Variants in FMN1 observed in about 807,000 individuals in gnomAD.
The protein encoded by FMN1 is formin 1, also known as formin-1.
A neutral mutation model predicts 132.4 loss-of-function variants in FMN1; 110 were observed. That is an observed-to-expected ratio of 0.83 (90% CI 0.71 to 0.97). The LOEUF is 0.97. Ranked by LOEUF, FMN1 falls within the 50% of genes least tolerant of loss-of-function variation. The probability of loss-of-function intolerance (pLI) is 0.00; values close to 1 mark genes in which losing one functional copy is unlikely to be tolerated. For synonymous variants in FMN1, 722 were observed against 651.7 expected, an observed-to-expected ratio of 1.11 and a Z score of -1.64; for missense variants, 1,792 against 1,705.3, an observed-to-expected ratio of 1.05 and a Z score of -0.90.
rs565205488 is a variant in FMN1, at chr15:32,863,686, T to C, written c.3836-6579A>G. ...CAAACCTACGAGTTATTTCCTTCCA[T>C]GTTCATCTTTTCTACTTTAATCCCT... On this transcript the variant is annotated intron_variant, in intron 16 of 20. Coordinates refer to ENST00000616417, the MANE Select transcript of FMN1 (RefSeq NM_001277313.2). Among the ~76,000 whole-genome samples, 5 of 152,368 alleles carry C rather than the reference T, an allele frequency of 3.3e-5. No homozygotes were observed. In the East Asian group the frequency reaches 9.6e-4, roughly 29 times the overall value.
At position 32,898,838 on chromosome 15, in the gene FMN1, T is replaced by C; in HGVS notation, c.3710A>G (p.Asp1237Gly). Residue 1237 changes from aspartate to glycine, a missense_variant, in exon 15 of 21, where the codon GAT (aspartate) becomes GGT (glycine). By Grantham distance (94) the Asp-to-Gly change is moderately conservative (BLOSUM62 -1). Around this residue, in one of 3 missense-constraint regions of FMN1, gnomAD observed 1,150 missense variants for 1,043.1 expected, o/e 1.10. Coordinates refer to ENST00000616417, the MANE Select transcript of FMN1 (RefSeq NM_001277313.2). ...YVVKYYLRYY[D>G]QEAGTEKSVF... ...CCACGTAATACCATTTCTTACCTGA[T>C]CATAGTAACGCAGGTAATACTTAAC... 6.3e-7 allele frequency: 1 copy of C among 1,592,134 alleles called. No individual in the cohort carries two copies. Among genetic ancestry groups the C allele is most frequent in the Non-Finnish European group, 8.6e-7 (1 of 1,161,348 alleles).
chr15:33,073,091 C>A (rs947985601), intron 5 of FMN1, among the ~76,000 whole-genome samples: 2 of 152,086 alleles, frequency 1.3e-5, no homozygotes, highest in African/African-American at 4.8e-5. Context: ...TATCGTTTTG[C>A]GAAAACTGGA....
At chr15:33,135,187 G>C (rs1963711136) in intron 4 of FMN1, among the ~76,000 whole-genome samples, 1 of 152,094 alleles carries the variant, frequency 6.6e-6, no homozygotes. Flanking sequence ...CAAAATGTTT[G>C]ACTTGCACTT....
intron 19 of FMN1, among the ~76,000 whole-genome samples, chr15:32,798,510 C>T (rs1444201952): frequency 6.6e-6 from 1 of 152,204 alleles, no homozygotes; most frequent in Non-Finnish European, 1.5e-5. Flanking sequence ...CATGAAAATA[C>T]ACAGAGAAGC....
chr15:32,838,768 A>G (rs2058681979), intron 17 of FMN1, among the ~76,000 whole-genome samples: 1 of 152,166 alleles, frequency 6.6e-6, no homozygotes, highest in South Asian at 2.1e-4. Flanking sequence ...CCAAATTATT[A>G]TTTTTTCTCC....
At chr15:32,915,120 T>C (rs1254726966) in intron 10 of FMN1, among the ~76,000 whole-genome samples, 1 of 152,216 alleles carries the variant, frequency 6.6e-6, no homozygotes, top group Admixed American at 6.5e-5. Context: ...TTTCTAATAA[T>C]ATTGGCCTGG....
intron 3 of FMN1, among the ~76,000 whole-genome samples, chr15:33,179,891 A>G (rs1466023709): frequency 6.6e-6 from 1 of 152,218 alleles, no homozygotes; most frequent in African/African-American, 2.4e-5. Flanking sequence ...ATTGGTAAGA[A>G]AAGTCTTCTG....
chr15:32,869,131 C>T (rs553019627), intron 16 of FMN1, among the ~76,000 whole-genome samples: 108 of 152,280 alleles, frequency 7.1e-4, no homozygotes, highest in African/African-American at 2.4e-3. Context: ...ATGATGAGAA[C>T]GCACGGGCCA....
chr15:33,172,384 G>A (rs927597814), intron 3 of FMN1, among the ~76,000 whole-genome samples: 1 of 152,124 alleles, frequency 6.6e-6, no homozygotes, highest in African/African-American at 2.4e-5. Flanking sequence ...GTTAAGCAGA[G>A]ACCATTGGTA....
At chr15:33,025,722 T>C (rs902316826) in intron 6 of FMN1, among the ~76,000 whole-genome samples, 9 of 152,200 alleles carry the variant, frequency 5.9e-5, no homozygotes, top group Admixed American at 5.9e-4. Context: ...AAACCTATTG[T>C]ATCTCAAAAT....
At chr15:32,953,862 A>G (rs1023280045) in intron 9 of FMN1, among the ~76,000 whole-genome samples, 2 of 152,254 alleles carry the variant, frequency 1.3e-5, no homozygotes, top group African/African-American at 4.8e-5. Context: ...TCTGGTTTGC[A>G]GTATATCCCA....
chr15:32,960,609 A>G (rs1235025788), intron 9 of FMN1, among the ~76,000 whole-genome samples: 1 of 152,104 alleles, frequency 6.6e-6, no homozygotes, highest in Non-Finnish European at 1.5e-5. Context: ...GAATTCAGAC[A>G]TTTTCCTTTT....
chr15:33,064,931 G>A (rs769545990), intron 6 of FMN1, 26 bp downstream of exon 6: 21 of 1,513,468 alleles, frequency 1.4e-5, no homozygotes, highest in East Asian at 4.6e-5. Context: ...ATTCATTCCC[G>A]GGTCCCTAGC....
At chr15:32,866,227 T>TAAAA (rs761408599) in intron 16 of FMN1, among the ~76,000 whole-genome samples, 7 of 92,334 alleles carry the variant, frequency 7.6e-5, no homozygotes, top group African/African-American at 4.0e-4. Flanking sequence ...TAAAGTATAA[T>TAAAA]AAAAAAAAAG....
At chr15:32,886,016 C>G (rs1159089879) in intron 16 of FMN1, among the ~76,000 whole-genome samples, 1 of 151,872 alleles carries the variant, frequency 6.6e-6, no homozygotes, top group East Asian at 1.9e-4. Context: ...AACATTCAAT[C>G]TCAGCTCACA....
intron 17 of FMN1, among the ~76,000 whole-genome samples, chr15:32,834,604 C>T (rs547949548): frequency 1.6e-4 from 25 of 152,346 alleles, no homozygotes; most frequent in African/African-American, 6.0e-4. Context: ...TTCTTCCTTT[C>T]TCCAAATGTG....
intron 6 of FMN1, among the ~76,000 whole-genome samples, chr15:33,027,691 G>A (rs192350713): frequency 1.2e-4 from 18 of 152,262 alleles, no homozygotes; most frequent in Non-Finnish European, 2.4e-4. Flanking sequence ...AACTGATACA[G>A]TGAGAAACGA....
At chr15:32,834,276 G>A (rs2058572671) in intron 17 of FMN1, among the ~76,000 whole-genome samples, 1 of 152,168 alleles carries the variant, frequency 6.6e-6, no homozygotes, top group South Asian at 2.1e-4. Flanking sequence ...TGACCAACAA[G>A]CTGATAAAAC....
intron 16 of FMN1, among the ~76,000 whole-genome samples, chr15:32,883,367 G>A (rs2059815842): frequency 6.6e-6 from 1 of 151,746 alleles, no homozygotes; most frequent in Non-Finnish European, 1.5e-5. Context: ...AAAATTAGCT[G>A]GGCGTGGTGG....
Sources: allele counts gnomAD v4.1 joint callset (sites outside exome capture counted in the v4.1 genomes callset), GRCh38; gene constraint gnomAD v4.1.1; regional missense constraint gnomAD v4.1.1; transcripts MANE v1.5; gene names NCBI Gene and HGNC (gene_info 2026-07-23, HGNC 2026-07-21).